Variants in IGSF23 observed in about 807,000 individuals in gnomAD.
The protein encoded by IGSF23 is immunoglobulin superfamily, member 23.
In IGSF23, 14 loss-of-function variants were observed where a neutral mutation model predicts 17.8. The ratio of observed to expected loss-of-function variants is 0.79; its 90% CI spans 0.52 to 1.23. IGSF23 has a LOEUF of 1.23. Ranked by LOEUF, IGSF23 falls within the 50% of genes most tolerant of loss-of-function variation. IGSF23 has a pLI of 0.00. For missense variants in IGSF23, 214 were observed against 241.7 expected (o/e 0.89, Z 0.76); for synonymous variants, 85 against 92.5 (o/e 0.92, Z 0.46).
At chr19:44,624,555 G>A (rs1972599536) in intron 2 of IGSF23, among the ~76,000 whole-genome samples, 2 of 151,910 alleles carry the variant, frequency 1.3e-5, no homozygotes, top group South Asian at 4.1e-4. Context: ...AAACTACTGG[G>A]ATTACAGACA....
At position 44,623,983 on chromosome 19, in the gene IGSF23, C is replaced by T. The variant is rs1972579496; in HGVS notation, c.391+11C>T. ...CCATCTCGCTGCCAAGTGAGTCCCCCATTCCACCCCACCCCACCCCACCCA... is the reference window on the plus strand; with the variant it reads ...CCATCTCGCTGCCAAGTGAGTCCCCTATTCCACCCCACCCCACCCCACCCA... On this transcript the variant is annotated intron_variant, in intron 2 of 4. Transcript: ENST00000402988. The T allele has an allele frequency of 6.5e-7, 1 of 1,542,650 alleles. No homozygotes were observed.
chr19:44,635,348 T>G, intron 3 of IGSF23, 53 bp from the exon 4 acceptor site: 1 of 976,320 alleles, frequency 1.0e-6, no homozygotes, highest in Non-Finnish European at 1.4e-6. Context: ...ATGATTCTTA[T>G]TCTCTCTCTC....
chr19:44,615,777 T>C (rs1016671949), intron 1 of IGSF23, among the ~76,000 whole-genome samples: 10 of 152,066 alleles, frequency 6.6e-5, no homozygotes, highest in Non-Finnish European at 1.0e-4. Context: ...TCAGAGCTGT[T>C]GTCTGAGGCC....
At chr19:44,635,364 CTCTCTCTCTCTG>C (rs1211483827) in intron 3 of IGSF23, 25 bp from the exon 4 acceptor site, 7 of 1,462,580 alleles carry the variant, frequency 4.8e-6, no homozygotes, top group African/African-American at 2.8e-5. Flanking sequence ...CTCTCTCTCT[CTCTCTCTCTCTG>C]TCTCTCTCTC....
rs942645896 is a variant in IGSF23, at chr19:44,627,495, T to G, written c.467T>G (p.Ile156Ser). The G allele has an allele frequency of 3.7e-5, 58 of 1,550,384 alleles. No individual in the cohort carries two copies. Among genetic ancestry groups the G allele is most frequent in the Non-Finnish European group, 4.9e-5 (56 of 1,146,962 alleles). The change falls in exon 3 of 5, where the codon ATC (isoleucine) becomes AGC (serine). Residue 156 changes from isoleucine (I) to serine (S), a missense_variant. Physicochemically the swap from Ile to Ser is moderately radical, Grantham distance 142. Coordinates refer to ENST00000402988, the MANE Select transcript of IGSF23 (RefSeq NM_001205280.2). The part of the protein sequence containing the change: ...PTLSLSGGSA[I>S]GLLAAGILGA... ...CTGTCCCTGTCAGGAGGCTCTGCCA[T>G]CGGGCTCCTTGCGGCTGGGATCCTG... is the stretch of plus-strand genomic sequence containing the variant.
intron 3 of IGSF23, among the ~76,000 whole-genome samples, chr19:44,628,524 G>A (rs547180268): frequency 1.4e-4 from 22 of 152,252 alleles, no homozygotes; most frequent in African/African-American, 3.9e-4. Context: ...GAGGTGGGTA[G>A]ATCACTCGAG....
chr19:44,635,652 G>A (rs1015356612), intron 4 of IGSF23, among the ~76,000 whole-genome samples, 187 bp downstream of exon 4: 1 of 152,040 alleles, frequency 6.6e-6, no homozygotes. Context: ...CACCCCATCT[G>A]CCCAGCTCAT....
At chr19:44,617,763 G>GGA (rs1401438073) in intron 1 of IGSF23, among the ~76,000 whole-genome samples, 1 of 152,130 alleles carries the variant, frequency 6.6e-6, no homozygotes, top group African/African-American at 2.4e-5. Flanking sequence ...AGTAGTATAT[G>GGA]GAGAGAGACA....
chr19:44,618,884 A>G (rs1436345426), intron 1 of IGSF23, among the ~76,000 whole-genome samples: 1 of 152,018 alleles, frequency 6.6e-6, no homozygotes, highest in Non-Finnish European at 1.5e-5. Context: ...CCACCTCTTA[A>G]GGAGAGGAGT....
chr19:44,614,065 C>T (rs1972313735), intron 1 of IGSF23: 2 of 1,237,318 alleles, frequency 1.6e-6, no homozygotes, highest in East Asian at 7.6e-5. Flanking sequence ...TCCAAGTCAC[C>T]CCCACTCAGA....
chr19:44,618,078 G>A (rs759895423), intron 1 of IGSF23: 53 of 470,790 alleles, frequency 1.1e-4, no homozygotes, highest in Admixed American at 4.2e-4. Flanking sequence ...CTTCCAAGGC[G>A]CCCTGCTCAC....
In IGSF23 at chr19:44,627,513, G is replaced by A. The variant is rs1317256175; in HGVS notation, c.485G>A (p.Gly162Glu). 8 of 1,550,406 alleles carry A rather than the reference G, an allele frequency of 5.2e-6. No individual in the cohort carries two copies. Among genetic ancestry groups the A allele is most frequent in the Non-Finnish European group, 7.0e-6 (8 of 1,146,980 alleles). The change falls in exon 3 of 5, where the codon GGG becomes GAG. Residue 162 changes from glycine (G) to glutamate (E), a missense_variant. By Grantham distance (98) the Gly-to-Glu change is moderately conservative. Transcript: ENST00000402988. ...TCTGCCATCGGGCTCCTTGCGGCTG[G>A]GATCCTGGGAGCCGGGGCACTGATT... ...GGSAIGLLAA[G>E]ILGAGALIAG...
chr19:44,627,947 C>CTTTTTTT (rs56014048), intron 3 of IGSF23, among the ~76,000 whole-genome samples: 1 of 139,332 alleles, frequency 7.2e-6, no homozygotes, highest in African/African-American at 2.7e-5. Flanking sequence ...TTTTCTTTTT[C>CTTTTTTT]TTTTTTTTTT....
At chr19:44,632,136 T>C (rs1000855298) in intron 3 of IGSF23, 3 of 374,118 alleles carry the variant, frequency 8.0e-6, no homozygotes, top group African/African-American at 6.6e-5. Context: ...TTCAATTTTG[T>C]TACAGATAGG....
Position 44,613,706 on chromosome 19 carries a change from A to C in IGSF23, c.61A>C (p.Thr21Pro), listed in dbSNP as rs1599724512. The C allele has an allele frequency of 6.5e-7, 1 of 1,549,214 alleles. No individual in the cohort carries two copies. The highest frequency in any genetic ancestry group is 8.7e-7 in the Non-Finnish European group (1 of 1,146,106). The change falls in exon 1 of 5, where the codon ACC becomes CCC. Residue 21 changes from threonine to proline, a missense_variant. Physicochemically the swap from Thr to Pro is conservative, Grantham distance 38 (BLOSUM62 -1). Coordinates refer to ENST00000402988, the MANE Select transcript of IGSF23 (RefSeq NM_001205280.2). ...CCCTGTCCCAGCCTGGTCCCCACCC[A>C]CCACCACCACTGACCCGATGCTAGA... ...RNPVPAWSPP[T>P]TTTDPMLEKD...
intron 1 of IGSF23, among the ~76,000 whole-genome samples, chr19:44,621,853 T>G (rs913324866): frequency 2.0e-5 from 3 of 152,210 alleles, no homozygotes; most frequent in Non-Finnish European, 4.4e-5. Context: ...TACTAATGAT[T>G]TAGACACCTG....
intron 1 of IGSF23, among the ~76,000 whole-genome samples, chr19:44,617,134 A>C (rs551825152): frequency 6.6e-6 from 1 of 151,738 alleles, no homozygotes; most frequent in South Asian, 2.1e-4. Flanking sequence ...TGGCTCAAGT[A>C]ATCTTCCAGC....
chr19:44,627,185 A>G (rs1269246443), intron 2 of IGSF23, among the ~76,000 whole-genome samples: 1 of 152,128 alleles, frequency 6.6e-6, no homozygotes, highest in Non-Finnish European at 1.5e-5. Context: ...TGAGCAGGGG[A>G]GGAACAGGGT....
chr19:44,632,836 C>A (rs1203517227), intron 3 of IGSF23, among the ~76,000 whole-genome samples: 1 of 152,230 alleles, frequency 6.6e-6, no homozygotes, highest in African/African-American at 2.4e-5. Flanking sequence ...TGGGCTGTCC[C>A]ATAATCCCTG....
Sources: allele counts gnomAD v4.1 joint callset (sites outside exome capture counted in the v4.1 genomes callset), GRCh38; gene constraint gnomAD v4.1.1; transcripts MANE v1.5; gene names NCBI Gene and HGNC (gene_info 2026-07-23, HGNC 2026-07-21).